The following NKAIN3 variants were observed in gnomAD, a reference collection of about 807,000 sequenced individuals.
NKAIN3 encodes the protein sodium/potassium transporting ATPase interacting 3, also known as sodium/potassium-transporting ATPase subunit beta-1-interacting protein 3.
Under a neutral mutation model 30.2 loss-of-function variants are expected in NKAIN3, and 25 were observed. The ratio of observed to expected loss-of-function variants is 0.83; its 90% CI spans 0.60 to 1.16. The LOEUF (loss-of-function observed/expected upper bound fraction) is 1.16. Among genes scored for constraint, NKAIN3 ranks in the 50% most tolerant of loss-of-function variants. The pLI is 0.00. For synonymous variants in NKAIN3, 91 were observed against 89.6 expected, an observed-to-expected ratio of 1.02 and a Z score of -0.09; for missense variants, 225 against 254.1, an observed-to-expected ratio of 0.89 and a Z score of 0.78.
chr8:62,564,630 A>G (rs1371739914), intron 1 of NKAIN3, among the ~76,000 whole-genome samples: 1 of 152,186 alleles, frequency 6.6e-6, no homozygotes, highest in South Asian at 2.1e-4. Context: ...TTGGAAAATC[A>G]ATTCAGTAGG....
chr8:62,326,632 G>C (rs2129589764), intron 1 of NKAIN3, among the ~76,000 whole-genome samples: 1 of 151,920 alleles, frequency 6.6e-6, no homozygotes, highest in South Asian at 2.1e-4. Flanking sequence ...TTCAGATGAA[G>C]TTGGTTCAAA....
At chr8:62,329,750 C>G (rs1815277414) in intron 1 of NKAIN3, among the ~76,000 whole-genome samples, 1 of 151,998 alleles carries the variant, frequency 6.6e-6, no homozygotes, top group Non-Finnish European at 1.5e-5. Context: ...TTGATGGACA[C>G]TTAGGTTGAT....
chr8:62,579,935 C>T (rs1810239784), intron 2 of NKAIN3, among the ~76,000 whole-genome samples: 1 of 152,026 alleles, frequency 6.6e-6, no homozygotes, highest in African/African-American at 2.4e-5. Flanking sequence ...TCAAGTTTTA[C>T]AAGGAAATTC....
intron 1 of NKAIN3, chr8:62,344,845 A>C (rs909204394): frequency 4.6e-6 from 2 of 436,266 alleles, no homozygotes; most frequent in Admixed American, 5.0e-5. Context: ...TCTGTGAAGA[A>C]TGTCATGGGT....
intron 4 of NKAIN3, among the ~76,000 whole-genome samples, chr8:62,770,618 G>A (rs1044024698): frequency 4.6e-5 from 7 of 152,032 alleles, no homozygotes; most frequent in African/African-American, 1.7e-4. Context: ...TCACATTGGC[G>A]GTTAGGATTT....
In NKAIN3 at chr8:62,689,528, T is replaced by G. The variant is rs111404477; in HGVS notation, c.274-57404T>G. On this transcript the variant is annotated intron_variant, in intron 3 of 6. Coordinates refer to ENST00000623646, the MANE Select transcript of NKAIN3 (RefSeq NM_001304533.3). ...GAATTTGCACTCTTTACCCCATTAA[T>G]ATACATTTAACAACCAAAGTTGTAC... Among the ~76,000 whole-genome samples the G allele has an allele frequency of 2.3e-3, 354 of 152,326 alleles. 2 individuals are homozygous for G. The highest frequency in any genetic ancestry group is 2.1e-3 in the Non-Finnish European group (146 of 68,030).
At chr8:62,788,483 T>C (rs570674954) in intron 4 of NKAIN3, among the ~76,000 whole-genome samples, 6 of 152,310 alleles carry the variant, frequency 3.9e-5, no homozygotes, top group South Asian at 2.1e-4. Context: ...ATTCTGTAGG[T>C]TGCCTGTTCA....
intron 3 of NKAIN3, among the ~76,000 whole-genome samples, chr8:62,658,535 T>TTTGAAGA (rs1298537388): frequency 1.3e-5 from 2 of 152,198 alleles, no homozygotes; most frequent in East Asian, 3.8e-4. Context: ...ATGGTTCACT[T>TTTGAAGA]TTGAATAAAT....
At chr8:62,884,093 G>A (rs1002727952) in intron 4 of NKAIN3, among the ~76,000 whole-genome samples, 4 of 152,098 alleles carry the variant, frequency 2.6e-5, no homozygotes, top group African/African-American at 9.7e-5. Flanking sequence ...TTTATACATT[G>A]TTGAATTCAA....
At chr8:62,762,336 C>G (rs1429895258) in intron 4 of NKAIN3, among the ~76,000 whole-genome samples, 1 of 150,036 alleles carries the variant, frequency 6.7e-6, no homozygotes, top group African/African-American at 2.4e-5. Flanking sequence ...AAACAAAAAA[C>G]AAAAAGAAAC....
At chr8:62,524,766 C>T (rs927151455) in intron 1 of NKAIN3, among the ~76,000 whole-genome samples, 4 of 151,982 alleles carry the variant, frequency 2.6e-5, no homozygotes, top group African/African-American at 7.3e-5. Flanking sequence ...CTTAAAAGCA[C>T]TCCGCTCATC....
chr8:62,416,047 C>G (rs1267690276), intron 1 of NKAIN3, among the ~76,000 whole-genome samples: 1 of 152,032 alleles, frequency 6.6e-6, no homozygotes, highest in Non-Finnish European at 1.5e-5. Flanking sequence ...TGAGCCACCA[C>G]GCCTGGCCTA....
At chr8:62,790,268 A>C (rs1331520371) in intron 4 of NKAIN3, among the ~76,000 whole-genome samples, 4 of 152,170 alleles carry the variant, frequency 2.6e-5, no homozygotes, top group Admixed American at 2.0e-4. Flanking sequence ...AACAACCTTC[A>C]TGCTAAAAAC....
intron 1 of NKAIN3, chr8:62,474,201 A>T (rs1162377748): frequency 1.3e-5 from 2 of 152,200 alleles, no homozygotes; most frequent in Admixed American, 6.5e-5. Context: ...CACCAAGCAG[A>T]CATAGAAACA....
chr8:62,281,625 G>A (rs958548390), intron 1 of NKAIN3, among the ~76,000 whole-genome samples: 2 of 151,922 alleles, frequency 1.3e-5, no homozygotes, highest in African/African-American at 2.4e-5. Flanking sequence ...GCTTCATTTC[G>A]TCATGTACCC....
chr8:62,965,842 AG>A lies in NKAIN3; in HGVS notation c.*436del. 1 of 985,184 alleles carries A rather than the reference AG, an allele frequency of 1.0e-6. No individual in the cohort carries two copies. 61.0% of individuals were successfully genotyped at this position (985,184 alleles called of 1,614,324 possible). ...TTAGCAGACATTACCTGTGGTTATC[AG>A]CCACCAAGGTAGACCCTGTGACAGC... On this transcript the variant is annotated 3_prime_UTR_variant, in exon 7 of 7. Transcript: ENST00000623646.
At chr8:62,853,345 T>A (rs1819968516) in intron 4 of NKAIN3, among the ~76,000 whole-genome samples, 1 of 152,192 alleles carries the variant, frequency 6.6e-6, no homozygotes, top group South Asian at 2.1e-4. Context: ...AGCCTATGTG[T>A]GTCTCTGCAC....
intron 1 of NKAIN3, among the ~76,000 whole-genome samples, chr8:62,389,674 A>T (rs1167750569): frequency 6.6e-6 from 1 of 152,232 alleles, no homozygotes; most frequent in Non-Finnish European, 1.5e-5. Context: ...GAGTACATAC[A>T]GGTGGGTATG....
intron 1 of NKAIN3, among the ~76,000 whole-genome samples, chr8:62,311,360 G>A (rs1237410550): frequency 6.7e-6 from 1 of 150,338 alleles, no homozygotes; most frequent in Non-Finnish European, 1.5e-5. Context: ...AAAAGACATG[G>A]CCTCAGTTAG....
Sources: allele counts gnomAD v4.1 joint callset (sites outside exome capture counted in the v4.1 genomes callset), GRCh38; gene constraint gnomAD v4.1.1; transcripts MANE v1.5; gene names NCBI Gene and HGNC (gene_info 2026-07-23, HGNC 2026-07-21).